TAF2: variants seen among roughly 807,000 people sequenced by gnomAD.
TAF2 encodes TATA-box binding protein associated factor 2.
TAF2 carries 61 observed loss-of-function variants against 138.5 expected under a neutral mutation model. The ratio of observed to expected loss-of-function variants is 0.44; its 90% CI spans 0.36 to 0.54. The LOEUF (loss-of-function observed/expected upper bound fraction) is 0.54. Ranked by LOEUF, TAF2 falls within the 20% of genes least tolerant of loss-of-function variation. The probability of loss-of-function intolerance (pLI) is 0.00; values close to 1 mark genes in which losing one functional copy is unlikely to be tolerated. For missense variants in TAF2, 1,090 were observed against 1,427.9 expected (o/e 0.76, Z 3.81); for synonymous variants, 475 against 469.9 (o/e 1.01, Z -0.14).
intron 3 of TAF2, among the ~76,000 whole-genome samples, chr8:119,809,953 C>T (rs1258859966): frequency 7.2e-6 from 1 of 138,322 alleles, no homozygotes; most frequent in Non-Finnish European, 1.5e-5. Flanking sequence ...AAAAATGGCA[C>T]TGATAAACTT....
rs1273670266 is a variant in TAF2, at chr8:119,799,193, G to A, written c.793-1347C>T. ...TTTTTTATTATACTTTAAGTTCTAC[G>A]GTACATGCGTACAATGTGCAGGTTA... On this transcript the variant is annotated intron_variant, in intron 6 of 25. Coordinates refer to ENST00000378164, the MANE Select transcript of TAF2 (RefSeq NM_003184.4). Among the ~76,000 whole-genome samples, 7 of 151,596 alleles carry A rather than the reference G, an allele frequency of 4.6e-5. No homozygotes were observed. The South Asian group carries it at 6.3e-4, about 14-fold the overall frequency.
At chr8:119,778,200 T>G (rs1822392953) in intron 17 of TAF2, 71 bp from the exon 18 acceptor site, 2 of 933,104 alleles carry the variant, frequency 2.1e-6, no homozygotes, top group Non-Finnish European at 3.4e-6. Flanking sequence ...CATTGAACTA[T>G]AAATAGAAAA....
At position 119,806,332 on chromosome 8, in the gene TAF2, A is replaced by G. The variant is rs1460339699; in HGVS notation, c.369T>C (p.Asn123=). ...AVSAVDPDAG[N]GELCIKVPSE... The stretch of plus-strand genomic sequence containing the variant: ...ATGGAACCTTAATGCAAAGTTCTCC[A>G]TTTCCTGCATCAGGGTCCACAGCAC... The change falls in exon 4 of 26, where the codon AAT becomes AAC. Residue 123 remains asparagine, a synonymous_variant. Coordinates refer to ENST00000378164, the MANE Select transcript of TAF2 (RefSeq NM_003184.4). The G allele has an allele frequency of 9.9e-6, 16 of 1,613,988 alleles. No homozygotes were observed. The highest frequency in any genetic ancestry group is 1.1e-5 in the Non-Finnish European group (13 of 1,180,020).
At chr8:119,822,722 G>A (rs1586544585) in intron 2 of TAF2, among the ~76,000 whole-genome samples, 2 of 152,082 alleles carry the variant, frequency 1.3e-5, no homozygotes, top group African/African-American at 4.8e-5. Context: ...CTGACATTAT[G>A]AACTCAAAGG....
intron 3 of TAF2, among the ~76,000 whole-genome samples, chr8:119,808,418 C>T (rs1186071403): frequency 3.3e-5 from 5 of 152,214 alleles, no homozygotes. Flanking sequence ...ACTGCAGTTA[C>T]TTCCTTCTCT....
chr8:119,758,171 T>A, intron 20 of TAF2, 29 bp from the exon 21 acceptor site: 9 of 1,550,418 alleles, frequency 5.8e-6, no homozygotes, highest in Non-Finnish European at 8.0e-6. Context: ...ATATTTGTTG[T>A]TAATTATAAC....
intron 2 of TAF2, among the ~76,000 whole-genome samples, chr8:119,823,605 C>A (rs1487443725): frequency 6.6e-6 from 1 of 152,170 alleles, no homozygotes; most frequent in Non-Finnish European, 1.5e-5. Context: ...CCTTTGTAAA[C>A]TGCCCAGTCT....
At position 119,788,792 on chromosome 8, in the gene TAF2, C is replaced by T. The variant is rs762057882; in HGVS notation, c.1681G>A (p.Val561Met). ...DYTSPGTQKYVGPLKVTVQEL... is the reference protein window; with the variant it reads ...DYTSPGTQKYMGPLKVTVQEL... ...GGCGATTTTGGAAAAAGACTTACCA[C>T]GTATTTCTGAGTTCCAGGAGATGTA... Residue 561 changes from valine to methionine, a missense_variant and splice_region_variant, in exon 13 of 26, where the codon GTG becomes ATG. Transcript: ENST00000378164. The T allele has an allele frequency of 6.2e-7, 1 of 1,609,784 alleles. No individual in the cohort carries two copies. The highest frequency in any genetic ancestry group is 8.5e-7 in the Non-Finnish European group (1 of 1,176,180).
At position 119,731,946 on chromosome 8, in the gene TAF2, C is replaced by T. The variant is rs755760670; in HGVS notation, c.3578G>A (p.Arg1193His). ...TTCTCAGTCTGAAAGGGAAGGAGAACGAATAGACCTGCCACTGGCAGGGCT... is the reference window on the plus strand; with the variant it reads ...TTCTCAGTCTGAAAGGGAAGGAGAATGAATAGACCTGCCACTGGCAGGGCT... ...FSSPASGRSI[R>H]SPSLSD The change falls in exon 26 of 26, where the codon CGT (arginine) becomes CAT (histidine). Residue 1193 changes from arginine to histidine, a missense_variant. By Grantham distance (29) the Arg-to-His change is conservative. This residue lies in a region of TAF2 where 580 missense variants were observed against 719.6 expected (regional missense o/e 0.81). Transcript: ENST00000378164. 4.4e-5 allele frequency: 71 copies of T among 1,614,014 alleles called. No individual in the cohort carries two copies. Among genetic ancestry groups the T allele is most frequent in the Admixed American group, 3.7e-4 (22 of 60,006 alleles).
At chr8:119,826,601 T>C (rs1826115888) in intron 2 of TAF2, among the ~76,000 whole-genome samples, 1 of 152,144 alleles carries the variant, frequency 6.6e-6, no homozygotes. Context: ...CCTCCTTTTT[T>C]TTTTTTGAGA....
intron 3 of TAF2, among the ~76,000 whole-genome samples, chr8:119,813,669 T>A (rs1427735451): frequency 6.6e-6 from 1 of 152,228 alleles, no homozygotes; most frequent in Non-Finnish European, 1.5e-5. Context: ...TTGAGAGTAA[T>A]CTCAATAATT....
chr8:119,750,389 A>G (rs1407403198), intron 22 of TAF2, among the ~76,000 whole-genome samples: 4 of 152,168 alleles, frequency 2.6e-5, no homozygotes, highest in Non-Finnish European at 5.9e-5. Flanking sequence ...AAAAGCTGCT[A>G]AGAAGAAAAT....
intron 25 of TAF2, among the ~76,000 whole-genome samples, chr8:119,737,923 C>A (rs1399912656): frequency 6.6e-6 from 1 of 152,074 alleles, no homozygotes; most frequent in African/African-American, 2.4e-5. Flanking sequence ...TATGCTCATG[C>A]ATATGTGAAA....
chr8:119,829,694 G>C (rs187260316), intron 2 of TAF2, among the ~76,000 whole-genome samples: 1 of 152,088 alleles, frequency 6.6e-6, no homozygotes, highest in African/African-American at 2.4e-5. Context: ...TCTTGAAAAA[G>C]CCACATGCAA....
At chr8:119,782,405 TAGAAACATTGAAA>T (rs1227728092) in intron 16 of TAF2, among the ~76,000 whole-genome samples, 1 of 152,222 alleles carries the variant, frequency 6.6e-6, no homozygotes, top group East Asian at 1.9e-4. Flanking sequence ...AAGATCTTTA[TAGAAACATTGAAA>T]TTATATCTTC....
At position 119,732,176 on chromosome 8, in the gene TAF2, T is replaced by C; in HGVS notation, c.3348A>G (p.Gln1116=). ...GATGCATACTCATCTCCAAAGGTGC[T>C]TGTTCTTTACCTTCAAGATTAAAAA... ...ELARKGTGKE[Q]APLEMSMHPA... The change falls in exon 26 of 26, where the codon CAA becomes CAG. Residue 1116 remains glutamine (Q), a synonymous_variant. Transcript: ENST00000378164. The C allele has an allele frequency of 1.2e-6, 2 of 1,614,150 alleles. No individual in the cohort carries two copies. The highest frequency in any genetic ancestry group is 1.7e-6 in the Non-Finnish European group (2 of 1,180,014).
At chr8:119,772,312 T>A (rs934537066) in intron 18 of TAF2, among the ~76,000 whole-genome samples, 1 of 152,212 alleles carries the variant, frequency 6.6e-6, no homozygotes, top group Non-Finnish European at 1.5e-5. Flanking sequence ...GCAACATGAC[T>A]GCAGTTGGAA....
chr8:119,754,785 A>T (rs566230240), intron 22 of TAF2, among the ~76,000 whole-genome samples: 1 of 152,318 alleles, frequency 6.6e-6, no homozygotes, highest in African/African-American at 2.4e-5. Context: ...CTTCTGACTG[A>T]ATCTTTAAAC....
chr8:119,775,608 C>G (rs992068586), intron 18 of TAF2, among the ~76,000 whole-genome samples: 1 of 151,884 alleles, frequency 6.6e-6, no homozygotes, highest in African/African-American at 2.4e-5. Flanking sequence ...GAGGCTGAGG[C>G]AGGAGAATCG....
Sources: allele counts gnomAD v4.1 joint callset (sites outside exome capture counted in the v4.1 genomes callset), GRCh38; gene constraint gnomAD v4.1.1; regional missense constraint gnomAD v4.1.1; transcripts MANE v1.5; gene names NCBI Gene and HGNC (gene_info 2026-07-23, HGNC 2026-07-21).